Variants in PTH2R observed in about 807,000 individuals in gnomAD.
PTH2R encodes PTH2 receptor.
In PTH2R, 59 loss-of-function variants were observed where a neutral mutation model predicts 60.3. That is an observed-to-expected ratio of 0.98 (90% confidence interval 0.79 to 1.22). The LOEUF is 1.22. Ranked by LOEUF, PTH2R falls within the 50% of genes most tolerant of loss-of-function variation. The pLI is 0.00. For missense variants in PTH2R, 749 were observed against 682.6 expected (o/e 1.10, Z -1.08); for synonymous variants, 256 against 243.8 (o/e 1.05, Z -0.47).
Position 208,397,075 on chromosome 2 carries a change from TG to T in PTH2R, c.-258-31125del, listed in dbSNP as rs146182831. Among the ~76,000 whole-genome samples the T allele has an allele frequency of 2.3e-3, 350 of 152,236 alleles. 1 individual carries two copies. Among genetic ancestry groups the T allele is most frequent in the Non-Finnish European group, 4.0e-3 (272 of 68,024 alleles). ...CCAAGGACAGAAAACCAAACCTGCA[TG>T]TTCTCACTCATAGGTGGGAATTGAA... On this transcript the variant is annotated intron_variant, in intron 1 of 12. Coordinates refer to the PTH2R transcript ENST00000617735.
chr2:208,490,441 A>G (rs767870984), intron 11 of PTH2R, among the ~76,000 whole-genome samples, 198 bp from the exon 12 acceptor site: 3 of 152,216 alleles, frequency 2.0e-5, no homozygotes, highest in Non-Finnish European at 4.4e-5. Context: ...TATTTGGTTC[A>G]GCTGACACCA....
At position 208,407,089 on chromosome 2, in the gene PTH2R, C is replaced by T; in HGVS notation, c.46C>T (p.Leu16Phe). ...ASLHVWGWLMLGSCLLARAQL... is the reference protein window; with the variant it reads ...ASLHVWGWLMFGSCLLARAQL... ...GCTCCACGTCTGGGGTTGGCTAATG[C>T]TCGGCAGCTGCCTCCTGGCCAGAGC... The change falls in exon 1 of 13, where the codon CTC becomes TTC. Residue 16 changes from leucine (L) to phenylalanine (F), a missense_variant. Transcript: ENST00000272847. The T allele has an allele frequency of 7.2e-7, 1 of 1,395,424 alleles. No individual in the cohort carries two copies. The allele number at this position is 1,395,424 out of a possible 1,614,324, so 86.4% of individuals were successfully genotyped here.
At position 208,414,562 on chromosome 2, in the gene PTH2R, GT is replaced by G. The variant is rs914251698; in HGVS notation, c.75+7454del. Among the ~76,000 whole-genome samples the G allele has an allele frequency of 4.9e-3, 716 of 147,478 alleles. 5 individuals carry two copies. The highest frequency in any genetic ancestry group is 0.012 in the African/African-American group (484 of 40,404). On this transcript the variant is annotated intron_variant, in intron 1 of 12. Coordinates refer to ENST00000272847, the MANE Select transcript of PTH2R (RefSeq NM_005048.4). ...AATGAGGATAGTGAATTTTTTTTCA[GT>G]TTTTTTTTTCTATTAGAATATCTAT...
rs972871164 is a variant in PTH2R, at chr2:208,408,048, C to T, written c.75+930C>T. On this transcript the variant is annotated intron_variant, in intron 1 of 12. Coordinates refer to ENST00000272847, the MANE Select transcript of PTH2R (RefSeq NM_005048.4). ...TTAAATTTCAATTATTCTAAAAGTG[C>T]AGTTTAAAAAACCTATCTGTTAAAG... 1.3e-5 allele frequency among the ~76,000 whole-genome samples: 2 copies of T among 152,106 alleles called. 1 individual carries two copies. The highest frequency in any genetic ancestry group is 4.1e-4 in the South Asian group (2 of 4,830).
chr2:208,458,426 G>A (rs758800037), intron 8 of PTH2R, among the ~76,000 whole-genome samples: 12 of 152,024 alleles, frequency 7.9e-5, no homozygotes, highest in Non-Finnish European at 1.3e-4. Flanking sequence ...AATAGAAAAT[G>A]GACAGCTGTC....
chr2:208,479,839 A>G (rs1396923305), intron 9 of PTH2R, among the ~76,000 whole-genome samples: 1 of 152,246 alleles, frequency 6.6e-6, no homozygotes, highest in Non-Finnish European at 1.5e-5. Flanking sequence ...TTCTTCATCC[A>G]TAACAAATGG....
intron 8 of PTH2R, among the ~76,000 whole-genome samples, chr2:208,452,890 C>T (rs1702433956): frequency 6.6e-6 from 1 of 152,298 alleles, no homozygotes. Flanking sequence ...CTCAGATATT[C>T]AGGCTCTAGA....
intron 1 of PTH2R, among the ~76,000 whole-genome samples, chr2:208,368,524 TTTTTG>T (rs1372888448): frequency 6.7e-6 from 1 of 150,010 alleles, no homozygotes; most frequent in Non-Finnish European, 1.5e-5. Flanking sequence ...TTTTTTTTTG[TTTTTG>T]TTTTTTGTTT....
At chr2:208,378,174 C>T (rs1251192990) in intron 1 of PTH2R, among the ~76,000 whole-genome samples, 3 of 151,924 alleles carry the variant, frequency 2.0e-5, no homozygotes, top group Non-Finnish European at 2.9e-5. Context: ...AGCTGGAGAC[C>T]AGCCCGGCCA....
At chr2:208,380,312 A>T (rs1020488056) in intron 1 of PTH2R, among the ~76,000 whole-genome samples, 2 of 152,138 alleles carry the variant, frequency 1.3e-5, no homozygotes, top group Admixed American at 1.3e-4. Flanking sequence ...AGATGCTTGT[A>T]TGTGAATTAT....
chr2:208,434,331 GA>G (rs1328678185), intron 2 of PTH2R, among the ~76,000 whole-genome samples: 5 of 151,922 alleles, frequency 3.3e-5, no homozygotes, highest in Non-Finnish European at 7.4e-5. Flanking sequence ...TTCTATGTGA[GA>G]TTCATGGCTT....
At chr2:208,427,503 A>T (rs1281391938) in intron 1 of PTH2R, among the ~76,000 whole-genome samples, 1 of 152,198 alleles carries the variant, frequency 6.6e-6, no homozygotes, top group Non-Finnish European at 1.5e-5. Flanking sequence ...TAAAAAAAAA[A>T]TCGTTAAAGT....
chr2:208,410,082 T>C lies in PTH2R; in HGVS notation c.75+2964T>C, dbSNP rs1047049262. Among the ~76,000 whole-genome samples the C allele has an allele frequency of 7.2e-5, 11 of 152,062 alleles. 1 individual carries two copies. Among genetic ancestry groups the C allele is most frequent in the Admixed American group, 5.9e-4 (9 of 15,264 alleles). On this transcript the variant is annotated intron_variant, in intron 1 of 12. Coordinates refer to ENST00000272847, the MANE Select transcript of PTH2R (RefSeq NM_005048.4). Reference sequence around the variant, plus strand: ...AGAGGAGTCCCATGCTGCGAAAAAATGGCCAGGTCTTAGAATTCCTACTGT... The same window carrying C: ...AGAGGAGTCCCATGCTGCGAAAAAACGGCCAGGTCTTAGAATTCCTACTGT...
Position 208,444,718 on chromosome 2 carries a change from G to C in PTH2R, c.700-16G>C, listed in dbSNP as rs373716533. ...AAGTGTTCTAATATGATGAAATTCTGGTTTATTTGTAATAGATCGGGTGCA... is the reference window on the plus strand; with the variant it reads ...AAGTGTTCTAATATGATGAAATTCTCGTTTATTTGTAATAGATCGGGTGCA... On this transcript the variant is annotated splice_polypyrimidine_tract_variant and intron_variant, in intron 6 of 12. Transcript: ENST00000272847. 4.3e-6 allele frequency: 7 copies of C among 1,609,334 alleles called. No individual in the cohort carries two copies. The African/African-American group carries it at 9.4e-5, about 22-fold the overall frequency.
chr2:208,450,809 G>A lies in PTH2R; in HGVS notation c.914G>A (p.Arg305Lys), dbSNP rs1702392143. 5 of 1,613,770 alleles carry A rather than the reference G, an allele frequency of 3.1e-6. No individual in the cohort carries two copies. The highest frequency in any genetic ancestry group is 2.2e-5 in the South Asian group (2 of 91,074). Reference protein sequence around the residue: ...AVARATLADARCWELSAGDIK... With the variant: ...AVARATLADAKCWELSAGDIK... ...GCACGAGCAACTCTGGCTGATGCGA[G>A]GTGAGTGAAAAGGCAGGGGAAACGA... Residue 305 changes from arginine (R) to lysine (K), a missense_variant and splice_region_variant, in exon 8 of 13, where the codon AGG (arginine) becomes AAG (lysine). Transcript: ENST00000272847.
At chr2:208,413,305 G>T (rs1190533726) in intron 1 of PTH2R, among the ~76,000 whole-genome samples, 1 of 152,154 alleles carries the variant, frequency 6.6e-6, no homozygotes, top group Non-Finnish European at 1.5e-5. Context: ...CATGGTATGT[G>T]CTCCCCATGT....
chr2:208,444,687 A>G, intron 6 of PTH2R, 47 bp from the exon 7 acceptor site: 1 of 1,570,958 alleles, frequency 6.4e-7, no homozygotes, highest in Non-Finnish European at 8.7e-7. Flanking sequence ...GGCATCCAGT[A>G]CAACAAAGTG....
intron 1 of PTH2R, among the ~76,000 whole-genome samples, chr2:208,377,999 C>T (rs1467693500): frequency 6.6e-6 from 1 of 152,082 alleles, no homozygotes; most frequent in East Asian, 1.9e-4. Flanking sequence ...GCAATCTCGG[C>T]ACTTTGGGAG....
rs1307466210 is a variant in PTH2R, at chr2:208,408,697, G to T, written c.75+1579G>T. Among the ~76,000 whole-genome samples the T allele has an allele frequency of 4.1e-5, 5 of 121,358 alleles. No homozygotes were observed. The South Asian group carries it at 1.0e-3, about 25-fold the overall frequency. The allele number at this position is 121,358 out of a possible 152,430, so 79.6% of individuals were successfully genotyped here. A position where few individuals can be genotyped will look rare whatever the true frequency, so the allele number is the denominator to read the frequency against. ...GAGACCCTGTCTTGAAGGAAGGAAAGAAAGAAAAGAAAGAGAAGAAAGGAA... is the reference window on the plus strand; with the variant it reads ...GAGACCCTGTCTTGAAGGAAGGAAATAAAGAAAAGAAAGAGAAGAAAGGAA... On this transcript the variant is annotated intron_variant, in intron 1 of 12. Transcript: ENST00000272847.
Sources: allele counts gnomAD v4.1 joint callset (sites outside exome capture counted in the v4.1 genomes callset), GRCh38; gene constraint gnomAD v4.1.1; transcripts MANE v1.5; gene names NCBI Gene and HGNC (gene_info 2026-07-23, HGNC 2026-07-21).